ZFHX3: variants seen among roughly 807,000 people sequenced by gnomAD.
The protein encoded by ZFHX3 is zinc finger homeobox protein 3.
ZFHX3 carries 42 observed loss-of-function variants against 279.1 expected under a neutral mutation model. The observed-to-expected ratio is 0.15, with a 90% confidence interval of 0.12 to 0.19. The LOEUF (loss-of-function observed/expected upper bound fraction) is 0.19. ZFHX3 is among the 10% of genes least tolerant of loss of function. The pLI, the probability that ZFHX3 is intolerant of heterozygous loss-of-function variation, is 1.00. For missense variants in ZFHX3, 4,981 were observed against 4,754.0 expected (o/e 1.05, Z -1.40); for synonymous variants, 2,293 against 1,957.8 (o/e 1.17, Z -4.52).
At chr16:73,755,164 C>T (rs1019665248) in intron 1 of ZFHX3, among the ~76,000 whole-genome samples, 1 of 152,208 alleles carries the variant, frequency 6.6e-6, no homozygotes, top group South Asian at 2.1e-4. Context: ...AACCACTCAT[C>T]CGTACTCCCT....
rs574603333 is a variant in ZFHX3, at chr16:73,151,000, T to C, written c.-1103-7169A>G. On this transcript the variant is annotated intron_variant, in intron 5 of 17. Transcript: ENST00000641206. Reference sequence around the variant, plus strand: ...GTCTTACACAGAATGGGCAATATTATTTGGCAATAAAAAGGAATAAATGAA... The same window carrying C: ...GTCTTACACAGAATGGGCAATATTACTTGGCAATAAAAAGGAATAAATGAA... Among the ~76,000 whole-genome samples, 7 of 152,272 alleles carry C rather than the reference T, an allele frequency of 4.6e-5. No individual in the cohort carries two copies. In the South Asian group the frequency reaches 6.2e-4, roughly 14 times the overall value.
At chr16:73,548,516 TC>T (rs752159599) in intron 2 of ZFHX3, among the ~76,000 whole-genome samples, 3 of 152,048 alleles carry the variant, frequency 2.0e-5, no homozygotes, top group Non-Finnish European at 4.4e-5. Flanking sequence ...TATTTGTGCT[TC>T]CAGAAAGGAA....
rs1313011236 is a variant in ZFHX3 at position 72,797,064 on chromosome 16, T to C, written c.5618A>G (p.His1873Arg). 1 of 1,614,012 alleles carries C rather than the reference T, an allele frequency of 6.2e-7. No homozygotes were observed. Among genetic ancestry groups the C allele is most frequent in the Non-Finnish European group, 8.5e-7 (1 of 1,180,018 alleles). The change falls in exon 9 of 10, where the codon CAC becomes CGC. Residue 1873 changes from histidine to arginine, a missense_variant. Around this residue, in one of 7 missense-constraint regions of ZFHX3, gnomAD observed 1,751 missense variants for 1,770.0 expected, o/e 0.99. Coordinates refer to ENST00000268489, the MANE Select transcript of ZFHX3 (RefSeq NM_006885.4). The stretch of plus-strand genomic sequence containing the variant: ...GACCAATTTGTTCTTCTTTTCGGGG[T>C]GCTGGCTTGGCTGAAGGAGGGCAGA... ...SHSALLQPSQ[H>R]PEKKNKLVIK...
chr16:73,075,343 G>A (rs1263630485), intron 8 of ZFHX3, among the ~76,000 whole-genome samples: 1 of 152,034 alleles, frequency 6.6e-6, no homozygotes, highest in East Asian at 1.9e-4. Flanking sequence ...GAGGGAGGGA[G>A]GGAGAGGGGA....
intron 4 of ZFHX3, among the ~76,000 whole-genome samples, chr16:73,287,469 TCGGTGTG>T: frequency 7.9e-6 from 1 of 126,458 alleles, no homozygotes; most frequent in Admixed American, 8.3e-5. Flanking sequence ...GCTGTGTGGG[TCGGTGTG>T]TGGCTGTGTG....
At chr16:73,418,651 T>A (rs1597327936) in intron 3 of ZFHX3, among the ~76,000 whole-genome samples, 1 of 152,224 alleles carries the variant, frequency 6.6e-6, no homozygotes, top group Admixed American at 6.5e-5. Context: ...ACGTTAGTGA[T>A]ACATTTGCAG....
chr16:72,895,858 G>T (rs2038886663), intron 3 of ZFHX3, among the ~76,000 whole-genome samples: 1 of 151,750 alleles, frequency 6.6e-6, no homozygotes, highest in African/African-American at 2.4e-5. Flanking sequence ...TAGATAAACA[G>T]ATAGGTAGAT....
intron 2 of ZFHX3, among the ~76,000 whole-genome samples, chr16:73,514,470 CATTATT>C (rs1026754480): frequency 1.3e-5 from 2 of 151,908 alleles, no homozygotes; most frequent in East Asian, 1.9e-4. Flanking sequence ...TAGGTCCCAT[CATTATT>C]ATTATTATTA....
At chr16:73,701,491 A>C (rs2053245714) in intron 1 of ZFHX3, among the ~76,000 whole-genome samples, 1 of 152,236 alleles carries the variant, frequency 6.6e-6, no homozygotes, top group African/African-American at 2.4e-5. Flanking sequence ...GAAAATGCCC[A>C]CAGAAGGCAG....
chr16:72,886,247 G>C (rs888924402), intron 4 of ZFHX3, among the ~76,000 whole-genome samples: 4 of 152,168 alleles, frequency 2.6e-5, no homozygotes, highest in African/African-American at 9.7e-5. Flanking sequence ...ACTGGAGCCT[G>C]TGTGTGGGAG....
intron 1 of ZFHX3, among the ~76,000 whole-genome samples, chr16:73,725,046 T>C (rs1255646786): frequency 1.3e-5 from 2 of 152,202 alleles, no homozygotes; most frequent in Non-Finnish European, 2.9e-5. Flanking sequence ...GATTTCATTG[T>C]TTCCTATAAA....
upstream of ZFHX3, among the ~76,000 whole-genome samples, chr16:73,063,313 T>C (rs971050731): frequency 6.6e-6 from 1 of 152,142 alleles, no homozygotes; most frequent in African/African-American, 2.4e-5. Context: ...CCTCTGGAAA[T>C]GGCAGAAGAT....
rs1370846586 is a variant in ZFHX3 at position 73,687,039 on chromosome 16, TATATATA to T, written c.-1607-6806_-1607-6800del. Among the ~76,000 whole-genome samples the T allele has an allele frequency of 2.7e-4, 31 of 116,970 alleles. 1 individual carries two copies. The East Asian group carries it at 8.3e-3, about 31-fold the overall frequency. The allele number at this position is 116,970 out of a possible 152,430, so 76.7% of individuals were successfully genotyped here. On this transcript the variant is annotated intron_variant, in intron 1 of 17. Transcript: ENST00000641206. ...ATATATATATATATATATATATATA[TATATATA>T]TATATATATATATATATATTTGCAG...
At chr16:73,062,453 G>C (rs1246599205), upstream of ZFHX3, 1 of 152,172 alleles carries the variant, frequency 6.6e-6, no homozygotes, top group Non-Finnish European at 1.5e-5. Context: ...AGATCTGTTT[G>C]AAGCCACTTC....
chr16:73,636,463 A>G (rs2052528074), intron 2 of ZFHX3, among the ~76,000 whole-genome samples: 2 of 152,236 alleles, frequency 1.3e-5, no homozygotes, highest in African/African-American at 4.8e-5. Context: ...GAAAGAGGCA[A>G]AAGTATCATT....
intron 5 of ZFHX3, among the ~76,000 whole-genome samples, chr16:73,248,696 A>G (rs1390518483): frequency 6.6e-6 from 1 of 151,190 alleles, no homozygotes; most frequent in African/African-American, 2.4e-5. Context: ...GGCTCAATGG[A>G]GGCTATACTG....
chr16:73,082,716 A>G lies in ZFHX3; in HGVS notation c.-533+10519T>C, dbSNP rs990331746. Among the ~76,000 whole-genome samples, 14 of 152,282 alleles carry G rather than the reference A, an allele frequency of 9.2e-5. No homozygotes were observed. The South Asian group carries it at 1.9e-3, about 20-fold the overall frequency. ...GCCTGGGCAGATCTCAGCAGTCCCA[A>G]TTGTTTCTCTTAGTCACTGCTCATA... On this transcript the variant is annotated intron_variant, in intron 8 of 17. Coordinates refer to the ZFHX3 transcript ENST00000641206.
chr16:73,402,003 C>T (rs2017265066), intron 3 of ZFHX3: 1 of 152,142 alleles, frequency 6.6e-6, no homozygotes, highest in African/African-American at 2.4e-5. Flanking sequence ...AAAAGAGTCA[C>T]CCTCTATATG....
At chr16:73,766,825 T>G (rs1166376981) in intron 1 of ZFHX3, among the ~76,000 whole-genome samples, 1 of 152,102 alleles carries the variant, frequency 6.6e-6, no homozygotes, top group Non-Finnish European at 1.5e-5. Context: ...AATGATCTGA[T>G]CTGAGAAAAG....
Sources: allele counts gnomAD v4.1 joint callset (sites outside exome capture counted in the v4.1 genomes callset), GRCh38; gene constraint gnomAD v4.1.1; regional missense constraint gnomAD v4.1.1; transcripts MANE v1.5; gene names NCBI Gene and HGNC (gene_info 2026-07-23, HGNC 2026-07-21).